The following FAM53A variants were observed in gnomAD, a reference collection of about 807,000 sequenced individuals.
The protein encoded by FAM53A is protein FAM53A.
In FAM53A, 28 loss-of-function variants were observed where a neutral mutation model predicts 26.6. The observed-to-expected ratio is 1.05, with a 90% confidence interval of 0.78 to 1.45. The LOEUF (loss-of-function observed/expected upper bound fraction) is 1.45, where lower values mean the gene tolerates loss of function less well. FAM53A is among the 40% of genes most tolerant of loss of function. FAM53A has a pLI of 0.00. For synonymous variants in FAM53A, 290 were observed against 253.1 expected, an observed-to-expected ratio of 1.15 and a Z score of -1.38; for missense variants, 650 against 575.8, an observed-to-expected ratio of 1.13 and a Z score of -1.32.
chr4:1,657,507 G>T (rs372584138), intron 2 of FAM53A, 39 bp from the exon 3 acceptor site: 3 of 1,577,710 alleles, frequency 1.9e-6, no homozygotes, highest in South Asian at 1.1e-5. Flanking sequence ...TGACTGACAC[G>T]TGAGAATTCG....
In FAM53A at chr4:1,641,557, A is replaced by G; in HGVS notation, c.933T>C (p.Asp311=). ...CCGTCTTCACTGGGGTGTCATCCTC[A>G]TCGTCATCTTCGTAATTGAGGGAGC... ...SLCSLNYEDD[D]EDDTPVKTVL... is the part of the protein sequence containing the mutation. Residue 311 remains aspartate, a synonymous_variant, in exon 5 of 5, where the codon GAT becomes GAC. Coordinates refer to ENST00000308132, the MANE Select transcript of FAM53A (RefSeq NM_001174070.3). 2 of 1,614,186 alleles carry G rather than the reference A, an allele frequency of 1.2e-6. No individual in the cohort carries two copies. The highest frequency in any genetic ancestry group is 1.7e-6 in the Non-Finnish European group (2 of 1,180,010).
chr4:1,655,626 G>A lies in FAM53A; in HGVS notation c.234C>T (p.Ala78=), dbSNP rs752535440. The A allele has an allele frequency of 7.5e-6, 12 of 1,594,824 alleles. No individual in the cohort carries two copies. Among genetic ancestry groups the A allele is most frequent in the African/African-American group, 4.0e-5 (3 of 74,214 alleles). ...DFSFLPGLSA[A]AHTMGLQWQP... ...GCCACTGAAGACCCATGGTGTGAGC[G>A]GCAGCAGACAGGCCCGGCAGGAAGG... The change falls in exon 4 of 5, where the codon GCC becomes GCT. Residue 78 remains alanine (A), a synonymous_variant. Coordinates refer to ENST00000308132, the MANE Select transcript of FAM53A (RefSeq NM_001174070.3).
At chr4:1,667,155 C>T (rs1353026441) in intron 2 of FAM53A, among the ~76,000 whole-genome samples, 2 of 150,698 alleles carry the variant, frequency 1.3e-5, no homozygotes, top group Non-Finnish European at 3.0e-5. Flanking sequence ...AAAATTTAGC[C>T]GGGTGTGGTG....
downstream of FAM53A, among the ~76,000 whole-genome samples, chr4:1,635,523 CTGT>C (rs1301149184): frequency 6.6e-6 from 1 of 152,148 alleles, no homozygotes; most frequent in Non-Finnish European, 1.5e-5. Context: ...ATCCTCCCCG[CTGT>C]TGGCCTTCCA....
At chr4:1,661,834 C>T (rs760506986) in intron 2 of FAM53A, among the ~76,000 whole-genome samples, 2 of 152,086 alleles carry the variant, frequency 1.3e-5, no homozygotes, top group Non-Finnish European at 2.9e-5. Context: ...TGCATTAGGA[C>T]GCAGCATTCC....
At chr4:1,678,715 G>T (rs1356567417) in intron 1 of FAM53A, among the ~76,000 whole-genome samples, 2 of 151,796 alleles carry the variant, frequency 1.3e-5, no homozygotes, top group African/African-American at 4.8e-5. Flanking sequence ...CCAGCTACTC[G>T]GGAGGCTGAG....
intron 3 of FAM53A, 120 bp from the exon 4 acceptor site, chr4:1,655,843 C>T: frequency 8.3e-7 from 1 of 1,210,626 alleles, no homozygotes; most frequent in Non-Finnish European, 1.1e-6. Context: ...GCCGCCACCC[C>T]TGGGCGTGCT....
chr4:1,662,946 C>T (rs563741553), intron 2 of FAM53A, among the ~76,000 whole-genome samples: 2 of 152,058 alleles, frequency 1.3e-5, no homozygotes, highest in East Asian at 1.9e-4. Flanking sequence ...TGTAATCCCA[C>T]CACTCTGGGG....
intron 4 of FAM53A, among the ~76,000 whole-genome samples, chr4:1,652,076 T>TCA (rs1255469630): frequency 1.4e-4 from 3 of 22,102 alleles, no homozygotes; most frequent in Admixed American, 5.2e-4. Context: ...CATACACCAG[T>TCA]CACACACACA....
intron 2 of FAM53A, among the ~76,000 whole-genome samples, chr4:1,658,747 G>A (rs573801527): frequency 7.2e-5 from 11 of 152,364 alleles, no homozygotes; most frequent in Middle Eastern, 3.4e-3. Context: ...GCACTGGCCC[G>A]TGCAGGCGGG....
the FAM53A span, among the ~76,000 whole-genome samples, chr4:1,594,124 G>A: frequency 6.6e-6 from 1 of 152,212 alleles, no homozygotes; most frequent in Non-Finnish European, 1.5e-5. Flanking sequence ...AGCCAAGCCG[G>A]AGCCTCCTCT....
At chr4:1,671,663 G>T (rs1022811155) in intron 1 of FAM53A, among the ~76,000 whole-genome samples, 2 of 152,118 alleles carry the variant, frequency 1.3e-5, no homozygotes, top group Non-Finnish European at 2.9e-5. Context: ...CTCACAGGAT[G>T]GGGCTCTATG....
chr4:1,616,420 G>C (rs1316710506), downstream of FAM53A, among the ~76,000 whole-genome samples: 1 of 143,434 alleles, frequency 7.0e-6, no homozygotes, highest in East Asian at 2.0e-4. Context: ...GGATGACACG[G>C]GAGCCGAGCC....
intron 4 of FAM53A, among the ~76,000 whole-genome samples, chr4:1,651,991 C>G (rs535697958): frequency 1.4e-3 from 193 of 140,348 alleles, no homozygotes; most frequent in African/African-American, 4.9e-3. Flanking sequence ...ACACGCACAC[C>G]TCACACACAC....
At chr4:1,614,630 G>C (rs914407967), downstream of FAM53A, among the ~76,000 whole-genome samples, 2 of 152,126 alleles carry the variant, frequency 1.3e-5, no homozygotes, top group Non-Finnish European at 2.9e-5. Context: ...CGCTGCCCCT[G>C]GGGTTCTGTC....
At chr4:1,670,218 G>A (rs1005880361) in intron 1 of FAM53A, among the ~76,000 whole-genome samples, 6 of 152,260 alleles carry the variant, frequency 3.9e-5, no homozygotes, top group Non-Finnish European at 7.3e-5. Context: ...ATGCTGGAAA[G>A]GTTTCAACAC....
intron 1 of FAM53A, among the ~76,000 whole-genome samples, chr4:1,670,832 G>A (rs1714584992): frequency 6.6e-6 from 1 of 152,132 alleles, no homozygotes; most frequent in South Asian, 2.1e-4. Flanking sequence ...GTCAGCTGGG[G>A]AAAAACCACC....
downstream of FAM53A, among the ~76,000 whole-genome samples, chr4:1,616,684 G>A (rs564919504): frequency 8.5e-5 from 13 of 152,358 alleles, no homozygotes; most frequent in African/African-American, 3.1e-4. Context: ...TTGATAAGAA[G>A]GATGCAGAAG....
chr4:1,579,917 T>C, the FAM53A span, among the ~76,000 whole-genome samples: 1 of 152,230 alleles, frequency 6.6e-6, no homozygotes, highest in Non-Finnish European at 1.5e-5. Flanking sequence ...CCGGAAGATA[T>C]TGACTCGAAG....
Sources: allele counts gnomAD v4.1 joint callset (sites outside exome capture counted in the v4.1 genomes callset), GRCh38; gene constraint gnomAD v4.1.1; transcripts MANE v1.5; gene names NCBI Gene and HGNC (gene_info 2026-07-23, HGNC 2026-07-21).